The following FAM117B variants were observed in gnomAD, a reference collection of about 807,000 sequenced individuals.
FAM117B encodes the protein protein FAM117B.
A neutral mutation model predicts 52.8 loss-of-function variants in FAM117B; 22 were observed. The ratio of observed to expected loss-of-function variants is 0.42; its 90% CI spans 0.30 to 0.59. The LOEUF (loss-of-function observed/expected upper bound fraction) is 0.59. Ranked by LOEUF, FAM117B falls within the 20% of genes least tolerant of loss-of-function variation. FAM117B has a pLI of 0.22. For missense variants in FAM117B, 678 were observed against 802.6 expected, an observed-to-expected ratio of 0.84 and a Z score of 1.88; for synonymous variants, 309 against 324.1, an observed-to-expected ratio of 0.95 and a Z score of 0.50.
At chr2:202,731,332 A>AATAT (rs35255766) in intron 4 of FAM117B, among the ~76,000 whole-genome samples, 651 of 30,738 alleles carry the variant, frequency 0.021, 24 homozygotes, top group East Asian at 0.14. Context: ...GAGAAATTGG[A>AATAT]ATATATATAT....
chr2:202,712,446 G>A (rs1038665627), intron 2 of FAM117B, among the ~76,000 whole-genome samples: 33 of 113,928 alleles, frequency 2.9e-4, no homozygotes, highest in Middle Eastern at 7.0e-3. Flanking sequence ...TTTTTTGTGC[G>A]TGTGGAGGCT....
intron 1 of FAM117B, among the ~76,000 whole-genome samples, chr2:202,652,260 G>A (rs1214122971): frequency 6.6e-6 from 1 of 151,910 alleles, no homozygotes; most frequent in African/African-American, 2.4e-5. Flanking sequence ...CACCTTGCCA[G>A]GCTAATTTCT....
chr2:202,655,829 G>T (rs910235830), intron 1 of FAM117B, among the ~76,000 whole-genome samples: 2 of 150,072 alleles, frequency 1.3e-5, no homozygotes, highest in Non-Finnish European at 3.0e-5. Context: ...AGAAAGAGTA[G>T]AACAGGGAGT....
intron 1 of FAM117B, among the ~76,000 whole-genome samples, chr2:202,641,547 T>C (rs1287709060): frequency 6.6e-6 from 1 of 152,202 alleles, no homozygotes; most frequent in Non-Finnish European, 1.5e-5. Context: ...AAGGGGATAC[T>C]AATGATACTT....
intron 1 of FAM117B, among the ~76,000 whole-genome samples, chr2:202,640,862 C>T (rs1321972297): frequency 5.9e-5 from 9 of 152,166 alleles, no homozygotes; most frequent in African/African-American, 1.9e-4. Context: ...CTGCCTGCCT[C>T]AGCCCCCCAA....
At chr2:202,685,891 CA>C (rs1201132621) in intron 1 of FAM117B, among the ~76,000 whole-genome samples, 1 of 152,014 alleles carries the variant, frequency 6.6e-6, no homozygotes, top group Non-Finnish European at 1.5e-5. Context: ...TTTTAGGACA[CA>C]AAAAGCATGA....
In FAM117B at chr2:202,635,260, GC is replaced by G; in HGVS notation, c.75del (p.Gly27AspfsTer9). ...GSLGGGAVAT[A>X]GGPGSRLQPM... ...CCTTGGGGGTGGTGCGGTGGCCACG[GC>G]CGGGGGACCCGGGAGCCGCTTGCAG... On this transcript the variant is annotated frameshift_variant, in exon 1 of 8. Coordinates refer to ENST00000392238, the MANE Select transcript of FAM117B (RefSeq NM_173511.4). LOFTEE classifies it high-confidence loss of function. 1 of 1,378,814 alleles carries G rather than the reference GC, an allele frequency of 7.3e-7. No homozygotes were observed. The highest frequency in any genetic ancestry group is 1.5e-5 in the African/African-American group (1 of 66,450). 85.4% of individuals were successfully genotyped at this position (1,378,814 alleles called of 1,614,324 possible). A position where few individuals can be genotyped will look rare whatever the true frequency, so the allele number is the denominator to read the frequency against.
chr2:202,769,387 C>T lies in FAM117B; in HGVS notation c.*3623C>T, dbSNP rs746479536. The T allele has an allele frequency of 6.6e-6, 1 of 152,610 alleles. No individual in the cohort carries two copies. The highest frequency in any genetic ancestry group is 1.5e-5 in the Non-Finnish European group (1 of 68,038). 9.5% of individuals were successfully genotyped at this position (152,610 alleles called of 1,614,324 possible). On this transcript the variant is annotated 3_prime_UTR_variant, in exon 8 of 8. Transcript: ENST00000392238. Reference sequence around the variant, plus strand: ...CTTAGTCTTTGGAATTTTGATGTCTCAAAACCAGATGAGTGGAAGTGCTGA... The same window carrying T: ...CTTAGTCTTTGGAATTTTGATGTCTTAAAACCAGATGAGTGGAAGTGCTGA...
intron 1 of FAM117B, among the ~76,000 whole-genome samples, chr2:202,680,354 G>A (rs924952138): frequency 6.6e-6 from 1 of 152,042 alleles, no homozygotes; most frequent in African/African-American, 2.4e-5. Context: ...CACCAACATG[G>A]CACATGTATA....
At chr2:202,663,645 G>A (rs557289667) in intron 1 of FAM117B, among the ~76,000 whole-genome samples, 27 of 148,760 alleles carry the variant, frequency 1.8e-4, no homozygotes, top group African/African-American at 6.5e-4. Context: ...GTGCAGTGGC[G>A]CGATCTTGGC....
At chr2:202,721,021 A>G (rs1691143946) in intron 2 of FAM117B, among the ~76,000 whole-genome samples, 1 of 152,236 alleles carries the variant, frequency 6.6e-6, no homozygotes, top group African/African-American at 2.4e-5. Context: ...ATCATATTCT[A>G]TACATTTTTC....
intron 1 of FAM117B, among the ~76,000 whole-genome samples, chr2:202,655,707 TGAGAGAGAGA>T (rs60423652): frequency 0.016 from 1,572 of 98,806 alleles, 49 homozygotes; most frequent in African/African-American, 0.031. Flanking sequence ...GGGAAGAGAG[TGAGAGAGAGA>T]GAGAGAGAGA....
At chr2:202,701,351 G>A (rs1258585598) in intron 2 of FAM117B, among the ~76,000 whole-genome samples, 1 of 152,220 alleles carries the variant, frequency 6.6e-6, no homozygotes, top group African/African-American at 2.4e-5. Flanking sequence ...CATTGGCAAT[G>A]CAACTGGTCA....
rs1689644914 is a variant in FAM117B, at chr2:202,634,987, G to A, written c.-201G>A. ...GGGCAGCAGAGGAGACACTATTGTT[G>A]ATGAGGAGCGGCGGCGGCGGCGGCG... On this transcript the variant is annotated 5_prime_UTR_variant, in exon 1 of 8. Coordinates refer to ENST00000392238, the MANE Select transcript of FAM117B (RefSeq NM_173511.4). Among the ~76,000 whole-genome samples the A allele has an allele frequency of 7.0e-6, 1 of 143,156 alleles. No homozygotes were observed. The highest frequency in any genetic ancestry group is 2.7e-5 in the African/African-American group (1 of 36,714). 93.9% of individuals were successfully genotyped at this position (143,156 alleles called of 152,430 possible).
At chr2:202,707,382 A>AGG in intron 2 of FAM117B, among the ~76,000 whole-genome samples, 1 of 151,524 alleles carries the variant, frequency 6.6e-6, no homozygotes, top group South Asian at 2.1e-4. Context: ...TAGCAGATGA[A>AGG]GGGTTATATT....
chr2:202,754,113 C>T (rs1691764087), intron 4 of FAM117B, among the ~76,000 whole-genome samples: 1 of 152,166 alleles, frequency 6.6e-6, no homozygotes, highest in Non-Finnish European at 1.5e-5. Context: ...ATAGCAAAGA[C>T]ATGGAACCAA....
chr2:202,681,090 A>G (rs1174544213), intron 1 of FAM117B, among the ~76,000 whole-genome samples: 2 of 152,218 alleles, frequency 1.3e-5, no homozygotes, highest in Non-Finnish European at 2.9e-5. Context: ...AGAGTCTTAT[A>G]TGTAAAATGA....
chr2:202,694,402 G>A (rs894709648), intron 1 of FAM117B, among the ~76,000 whole-genome samples: 5 of 151,674 alleles, frequency 3.3e-5, no homozygotes, highest in Non-Finnish European at 7.4e-5. Context: ...TGTTGGCCAG[G>A]GTGGTCTCGA....
At chr2:202,677,475 A>G (rs1338430479) in intron 1 of FAM117B, among the ~76,000 whole-genome samples, 2 of 152,136 alleles carry the variant, frequency 1.3e-5, no homozygotes. Context: ...GTATGGACAT[A>G]CCACTCTTAC....
Sources: gnomAD v4.1 joint callset for allele counts (sites outside exome capture counted in the v4.1 genomes callset) on GRCh38, gnomAD v4.1.1 for gene constraint, MANE v1.5 for transcripts, NCBI Gene and HGNC (gene_info 2026-07-23, HGNC 2026-07-21) for gene names.